The following ADD2 variants were observed in gnomAD, a reference collection of about 807,000 sequenced individuals.
ADD2 encodes the protein adducin 2.
ADD2 carries 23 observed loss-of-function variants against 83.0 expected under a neutral mutation model. The observed-to-expected ratio is 0.28, with a 90% CI of 0.20 to 0.39. The LOEUF (loss-of-function observed/expected upper bound fraction) is 0.39. ADD2 is among the 10% of genes least tolerant of loss of function. The pLI is 1.00. For missense variants in ADD2, 758 were observed against 944.9 expected, an observed-to-expected ratio of 0.80 and a Z score of 2.59; for synonymous variants, 375 against 375.4, an observed-to-expected ratio of 1.00 and a Z score of 0.01.
chr2:70,663,729 G>C lies in ADD2; in HGVS notation c.1877C>G (p.Thr626Ser). Residue 626 changes from threonine (T) to serine (S), a missense_variant, in exon 16 of 16, where the codon ACT (threonine) becomes AGT (serine). Coordinates refer to ENST00000264436, the MANE Select transcript of ADD2 (RefSeq NM_001617.4). ...VSPSKSLEEG[T>S]KKTETSKAAT... The stretch of plus-strand genomic sequence containing the variant: ...GGCTTTGCTTGTTTCTGTCTTCTTA[G>C]TACCTTCTAGAAAAAGATCAAAAGA... The C allele has an allele frequency of 6.2e-7, 1 of 1,612,326 alleles. No homozygotes were observed. Among genetic ancestry groups the C allele is most frequent in the Non-Finnish European group, 8.5e-7 (1 of 1,179,354 alleles).
chr2:70,690,551 G>A (rs1346482390), intron 8 of ADD2, among the ~76,000 whole-genome samples: 3 of 152,166 alleles, frequency 2.0e-5, no homozygotes, highest in African/African-American at 7.2e-5. Context: ...ACATACAAAG[G>A]TAATTACTAT....
intron 10 of ADD2, among the ~76,000 whole-genome samples, chr2:70,681,250 T>C (rs1234517167): frequency 1.3e-5 from 2 of 152,158 alleles, no homozygotes; most frequent in Non-Finnish European, 2.9e-5. Context: ...TCTGTGGCCC[T>C]ACCCACAGGC....
chr2:70,678,859 C>G lies in ADD2; in HGVS notation c.1228G>C (p.Glu410Gln), dbSNP rs1553368974. Residue 410 changes from glutamate to glutamine, a missense_variant, in exon 11 of 16, where the codon GAG becomes CAG. Around this residue, in one of 5 missense-constraint regions of ADD2, gnomAD observed 394 missense variants for 509.3 expected, o/e 0.77. Transcript: ENST00000264436. ...GCGGGCACCGGGGCACCGTCCTCCTCAAACACGAAGGCTGTGACCGTGGCT... is the reference window on the plus strand; with the variant it reads ...GCGGGCACCGGGGCACCGTCCTCCTGAAACACGAAGGCTGTGACCGTGGCT... The part of the protein sequence containing the change: ...IPATVTAFVF[E>Q]EDGAPVPALR... 3.7e-6 allele frequency: 6 copies of G among 1,614,120 alleles called. No homozygotes were observed. Among genetic ancestry groups the G allele is most frequent in the South Asian group, 1.1e-5 (1 of 91,090 alleles).
Position 70,660,190 on chromosome 2 carries a change from G to T in ADD2, c.*3235C>A, listed in dbSNP as rs1370374226. 6.6e-6 allele frequency: 1 copy of T among 152,198 alleles called. No homozygotes were observed. Among genetic ancestry groups the T allele is most frequent in the Non-Finnish European group, 1.5e-5 (1 of 68,044 alleles). The allele number at this position is 152,198 out of a possible 1,614,324, so 9.4% of individuals were successfully genotyped here. A position where few individuals can be genotyped will look rare whatever the true frequency, so the allele number is the denominator to read the frequency against. On this transcript the variant is annotated 3_prime_UTR_variant, in exon 16 of 16. Transcript: ENST00000264436. ...TAAATGTGCCACATTCTGTGCAAGG[G>T]AAGAAGAAATGGCAGGATGGCTGGA...
chr2:70,681,798 T>C (rs1670463833), intron 10 of ADD2, among the ~76,000 whole-genome samples: 1 of 152,172 alleles, frequency 6.6e-6, no homozygotes, highest in Non-Finnish European at 1.5e-5. Context: ...AATATTATTC[T>C]AGAATAATAT....
At position 70,678,831 on chromosome 2, in the gene ADD2, A is replaced by T; in HGVS notation, c.1256T>A (p.Leu419Gln). 1 of 1,614,166 alleles carries T rather than the reference A, an allele frequency of 6.2e-7. No individual in the cohort carries two copies. Among genetic ancestry groups the T allele is most frequent in the Non-Finnish European group, 8.5e-7 (1 of 1,180,020 alleles). ...CTGCTGCTTCTGGGCATGCTGTCGC[A>T]GGGCGGGCACCGGGGCACCGTCCTC... ...FEEDGAPVPALRQHAQKQQKE... is the reference protein window; with the variant it reads ...FEEDGAPVPAQRQHAQKQQKE... Residue 419 changes from leucine (L) to glutamine (Q), a missense_variant, in exon 11 of 16, where the codon CTG becomes CAG. Around this residue, in one of 5 missense-constraint regions of ADD2, gnomAD observed 394 missense variants for 509.3 expected, o/e 0.77. Coordinates refer to ENST00000264436, the MANE Select transcript of ADD2 (RefSeq NM_001617.4).
In ADD2 at chr2:70,767,894, C is replaced by A. The variant is rs1480417837; in HGVS notation, c.-162G>T. On this transcript the variant is annotated 5_prime_UTR_variant, in exon 1 of 16. Coordinates refer to ENST00000264436, the MANE Select transcript of ADD2 (RefSeq NM_001617.4). ...GCTCCCCAGACCCTTACCTCCTGCG[C>A]GGCATCTTAGCTATCTCCGGTCGGC... 6 of 1,535,742 alleles carry A rather than the reference C, an allele frequency of 3.9e-6. No homozygotes were observed. In the African/African-American group the frequency reaches 8.2e-5, roughly 21 times the overall value.
At chr2:70,710,688 A>G (rs1265775310) in intron 2 of ADD2, among the ~76,000 whole-genome samples, 1 of 152,258 alleles carries the variant, frequency 6.6e-6, no homozygotes, top group Non-Finnish European at 1.5e-5. Flanking sequence ...CTGGGTTCAA[A>G]TCTCAGCTGT....
At chr2:70,755,708 CCCTCT>C (rs1674740589) in intron 1 of ADD2, among the ~76,000 whole-genome samples, 1 of 152,158 alleles carries the variant, frequency 6.6e-6, no homozygotes, top group Admixed American at 6.5e-5. Context: ...AGCCCTCCCT[CCCTCT>C]CCTCATAAAA....
At chr2:70,719,923 G>A (rs995448214) in intron 1 of ADD2, among the ~76,000 whole-genome samples, 1 of 152,132 alleles carries the variant, frequency 6.6e-6, no homozygotes, top group Admixed American at 6.5e-5. Context: ...TGGATCATGT[G>A]ACAGGATTGT....
At chr2:70,675,899 C>A (rs181643366) in intron 13 of ADD2, 12 of 985,210 alleles carry the variant, frequency 1.2e-5, no homozygotes, top group Non-Finnish European at 1.2e-5. Flanking sequence ...TCTCACCTCC[C>A]GCCAGAACAT....
intron 15 of ADD2, among the ~76,000 whole-genome samples, chr2:70,665,818 GT>G (rs36101912): frequency 0.31 from 44,180 of 144,276 alleles, 6,729 homozygotes; most frequent in African/African-American, 0.37. Flanking sequence ...TTGTTTTTTT[GT>G]TTTTTTTTTT....
At chr2:70,713,460 A>T (rs1233257399) in intron 1 of ADD2, among the ~76,000 whole-genome samples, 5 of 152,028 alleles carry the variant, frequency 3.3e-5, no homozygotes, top group African/African-American at 1.2e-4. Context: ...AAAATACAAA[A>T]ATTAGCTGGG....
intron 1 of ADD2, among the ~76,000 whole-genome samples, chr2:70,740,986 C>A (rs1243029418): frequency 1.3e-5 from 2 of 152,234 alleles, no homozygotes; most frequent in Non-Finnish European, 2.9e-5. Flanking sequence ...AGGCATGAGC[C>A]ACCGTGCCCG....
Position 70,706,860 on chromosome 2 carries a change from A to G in ADD2, c.-34-418T>C, listed in dbSNP as rs1553374611. The stretch of plus-strand genomic sequence containing the variant: ...TGGAAACCCTCTAATAAGGCCCCTC[A>G]AAAATTATGGTGGAAATAGCTAATG... On this transcript the variant is annotated intron_variant, in intron 2 of 15. Transcript: ENST00000264436. This position sits in a 1 kb window ranked among gnomAD's most constrained non-coding sequence, Gnocchi z 5.0. Among the ~76,000 whole-genome samples, 2 of 152,180 alleles carry G rather than the reference A, an allele frequency of 1.3e-5. No homozygotes were observed. The highest frequency in any genetic ancestry group is 2.9e-5 in the Non-Finnish European group (2 of 68,036).
At chr2:70,668,953 G>A (rs1335277218) in intron 15 of ADD2, among the ~76,000 whole-genome samples, 1 of 152,188 alleles carries the variant, frequency 6.6e-6, no homozygotes, top group Non-Finnish European at 1.5e-5. Context: ...AGGAGAACTG[G>A]TCACTGCCAT....
intron 1 of ADD2, among the ~76,000 whole-genome samples, chr2:70,718,611 A>G (rs1169196122): frequency 1.3e-5 from 2 of 152,234 alleles, no homozygotes; most frequent in African/African-American, 4.8e-5. Context: ...GAAGAAAGAC[A>G]TTATTCAATC....
chr2:70,684,936 C>CTG (rs1670640987), intron 9 of ADD2, among the ~76,000 whole-genome samples: 1 of 151,870 alleles, frequency 6.6e-6, no homozygotes, highest in Non-Finnish European at 1.5e-5. Flanking sequence ...TTTTTAAATT[C>CTG]TGTGCTTATC....
chr2:70,756,830 GTTTGTTTT>G (rs1369825076), intron 1 of ADD2, among the ~76,000 whole-genome samples: 3 of 152,092 alleles, frequency 2.0e-5, no homozygotes, highest in Non-Finnish European at 2.9e-5. Flanking sequence ...AGGGTTTTTT[GTTTGTTTT>G]TCCTTTTGAA....
Sources: allele counts gnomAD v4.1 joint callset (sites outside exome capture counted in the v4.1 genomes callset), GRCh38; gene constraint gnomAD v4.1.1; regional missense constraint gnomAD v4.1.1; non-coding constraint Gnocchi (gnomAD v3.1); transcripts MANE v1.5; gene names NCBI Gene and HGNC (gene_info 2026-07-23, HGNC 2026-07-21).